The following ABCA13 variants were observed in gnomAD, a reference collection of about 807,000 sequenced individuals.
ABCA13 encodes the protein ATP-binding cassette sub-family A member 13.
Under a neutral mutation model 478.7 loss-of-function variants are expected in ABCA13, and 476 were observed. The observed-to-expected ratio is 0.99, with a 90% CI of 0.92 to 1.07. ABCA13 has a LOEUF of 1.07. Ranked by LOEUF, ABCA13 falls within the 50% of genes least tolerant of loss-of-function variation. The pLI is 0.00. For missense variants in ABCA13, 6,060 were observed against 5,910.6 expected, an observed-to-expected ratio of 1.03 and a Z score of -0.83; for synonymous variants, 2,252 against 2,158.9, an observed-to-expected ratio of 1.04 and a Z score of -1.20.
At chr7:48,406,007 A>G (rs1818214870) in intron 39 of ABCA13, among the ~76,000 whole-genome samples, 1 of 152,206 alleles carries the variant, frequency 6.6e-6, no homozygotes, top group Non-Finnish European at 1.5e-5. Flanking sequence ...CCAAACCTCT[A>G]GGTAATCATA....
At chr7:48,291,448 G>C (rs73697126) in intron 20 of ABCA13, among the ~76,000 whole-genome samples, 6,230 of 152,196 alleles carry the variant, frequency 0.041, 377 homozygotes, top group African/African-American at 0.14. Context: ...GAACACCAGG[G>C]ATGGTTCCCA....
chr7:48,262,513 A>C (rs1794332111), intron 15 of ABCA13, among the ~76,000 whole-genome samples: 1 of 151,830 alleles, frequency 6.6e-6, no homozygotes, highest in Non-Finnish European at 1.5e-5. Flanking sequence ...CTTCTCTGCT[A>C]TGCCATATAC....
At position 48,414,211 on chromosome 7, in the gene ABCA13, G is replaced by A. The variant is rs189574074; in HGVS notation, c.12459+1628G>A. On this transcript the variant is annotated intron_variant, in intron 41 of 61. Transcript: ENST00000435803. ...TCATTCTTCAAGTCTTGACATGAACGGCGCCTCTGCAGCGGATTCCCAGAT... is the reference window on the plus strand; with the variant it reads ...TCATTCTTCAAGTCTTGACATGAACAGCGCCTCTGCAGCGGATTCCCAGAT... Among the ~76,000 whole-genome samples the A allele has an allele frequency of 1.5e-4, 23 of 152,234 alleles. No homozygotes were observed. In the East Asian group the frequency reaches 3.5e-3, roughly 23 times the overall value.
intron 19 of ABCA13, among the ~76,000 whole-genome samples, chr7:48,281,778 A>G (rs1475932933): frequency 6.6e-6 from 1 of 152,212 alleles, no homozygotes; most frequent in African/African-American, 2.4e-5. Flanking sequence ...TGTCTTGTCC[A>G]GAAGTGTTCC....
chr7:48,350,537 AATTCAT>A, intron 29 of ABCA13, 100 bp from the exon 30 acceptor site: 1 of 1,288,484 alleles, frequency 7.8e-7, no homozygotes, highest in Non-Finnish European at 1.0e-6. Flanking sequence ...TTAGTGGAAG[AATTCAT>A]ATTCATTTTC....
chr7:48,576,029 C>G (rs1007944466), intron 55 of ABCA13, among the ~76,000 whole-genome samples: 1 of 152,106 alleles, frequency 6.6e-6, no homozygotes, highest in Non-Finnish European at 1.5e-5. Context: ...TACAGCATAA[C>G]CACCGTTTAT....
At chr7:48,284,968 T>G in intron 19 of ABCA13, among the ~76,000 whole-genome samples, 1 of 152,194 alleles carries the variant, frequency 6.6e-6, no homozygotes, top group East Asian at 1.9e-4. Flanking sequence ...TATATTTTCG[T>G]CATATCACAG....
intron 55 of ABCA13, among the ~76,000 whole-genome samples, chr7:48,572,316 T>G (rs1474577322): frequency 1.3e-5 from 2 of 152,112 alleles, no homozygotes; most frequent in Admixed American, 6.6e-5. Context: ...TATTTATTTA[T>G]TTTTATAAAG....
At chr7:48,634,275 G>A (rs1302101848) in intron 59 of ABCA13, among the ~76,000 whole-genome samples, 2 of 152,170 alleles carry the variant, frequency 1.3e-5, no homozygotes, top group East Asian at 1.9e-4. Context: ...GCGTGTGTGT[G>A]ATGTCTTTGG....
intron 23 of ABCA13, among the ~76,000 whole-genome samples, chr7:48,299,586 T>C (rs1002579748): frequency 6.6e-6 from 1 of 152,214 alleles, no homozygotes; most frequent in Non-Finnish European, 1.5e-5. Context: ...CTTTAGTTAT[T>C]GAAACGAGTA....
intron 20 of ABCA13, among the ~76,000 whole-genome samples, chr7:48,293,583 T>G (rs1425200269): frequency 1.3e-5 from 2 of 152,210 alleles, no homozygotes; most frequent in African/African-American, 4.8e-5. Flanking sequence ...GTAGAATAGC[T>G]GTGACTAGGG....
chr7:48,344,620 C>T (rs912562778), intron 29 of ABCA13, among the ~76,000 whole-genome samples: 2 of 152,162 alleles, frequency 1.3e-5, no homozygotes, highest in African/African-American at 4.8e-5. Flanking sequence ...TTCTTTACCA[C>T]ATAGGGTTTC....
chr7:48,308,406 G>A (rs531478051), intron 23 of ABCA13, among the ~76,000 whole-genome samples: 2 of 152,152 alleles, frequency 1.3e-5, no homozygotes, highest in Non-Finnish European at 2.9e-5. Flanking sequence ...ATATAGTATA[G>A]TTAGTACATA....
At chr7:48,195,462 G>A (rs1487500640) in intron 2 of ABCA13, among the ~76,000 whole-genome samples, 1 of 152,096 alleles carries the variant, frequency 6.6e-6, no homozygotes, top group Non-Finnish European at 1.5e-5. Context: ...ACATGAAGGA[G>A]GTAAGATGGG....
At chr7:48,286,566 G>A (rs1187203586) in intron 19 of ABCA13, among the ~76,000 whole-genome samples, 1 of 151,784 alleles carries the variant, frequency 6.6e-6, no homozygotes, top group Non-Finnish European at 1.5e-5. Context: ...GTGCAGTGGT[G>A]CGACCTCAGC....
intron 1 of ABCA13, among the ~76,000 whole-genome samples, chr7:48,186,578 T>A (rs1796378747): frequency 6.6e-6 from 1 of 152,062 alleles, no homozygotes; most frequent in Non-Finnish European, 1.5e-5. Flanking sequence ...TCTTTCATAT[T>A]TTCTAAAAAA....
chr7:48,411,183 C>T (rs559886331), intron 40 of ABCA13, among the ~76,000 whole-genome samples: 1 of 89,590 alleles, frequency 1.1e-5, no homozygotes, highest in Admixed American at 1.2e-4. Context: ...TTCTTTCTTT[C>T]TCTTTCTTTC....
Position 48,561,479 on chromosome 7 carries a change from C to A in ABCA13, c.14355-18745C>A, listed in dbSNP as rs183768371. ...CTCATTGTGTTTTTAATTTGCATCT[C>A]CCTAATGATTAGAAATGTTGAACAT... On this transcript the variant is annotated intron_variant, in intron 55 of 61. Transcript: ENST00000435803. 4.3e-3 allele frequency among the ~76,000 whole-genome samples: 659 copies of A among 152,188 alleles called. 1 individual carries two copies. Among genetic ancestry groups the A allele is most frequent in the African/African-American group, 0.015 (636 of 41,530 alleles).
chr7:48,506,925 A>G (rs1421650275), intron 49 of ABCA13, among the ~76,000 whole-genome samples: 2 of 152,096 alleles, frequency 1.3e-5, no homozygotes, highest in African/African-American at 2.4e-5. Flanking sequence ...TCTCTATTAT[A>G]TGGTCGACAA....
Sources: allele counts gnomAD v4.1 joint callset (sites outside exome capture counted in the v4.1 genomes callset), GRCh38; gene constraint gnomAD v4.1.1; transcripts MANE v1.5; gene names NCBI Gene and HGNC (gene_info 2026-07-23, HGNC 2026-07-21).